The following ZNF721 variants were observed in gnomAD, a reference collection of about 807,000 sequenced individuals.
The protein encoded by ZNF721 is zinc finger protein 721.
Under a neutral mutation model 2.4 loss-of-function variants are expected in ZNF721, and 2 were observed. The observed-to-expected ratio is 0.82, with a 90% confidence interval of 0.34 to 2.58. The LOEUF (loss-of-function observed/expected upper bound fraction) is 2.58, where lower values mean the gene tolerates loss of function less well. Among genes scored for constraint, ZNF721 ranks in the 30% most tolerant of loss-of-function variants. The probability of loss-of-function intolerance (pLI) is 0.11; values close to 1 mark genes in which losing one functional copy is unlikely to be tolerated. For missense variants in ZNF721, 1,187 were observed against 1,085.5 expected (o/e 1.09, Z -1.31); for synonymous variants, 398 against 381.8 (o/e 1.04, Z -0.50).
chr4:451,912 A>G (rs1553864907), intron 2 of ZNF721, among the ~76,000 whole-genome samples: 1 of 152,154 alleles, frequency 6.6e-6, no homozygotes, highest in African/African-American at 2.4e-5. Context: ...GAAAATTGGG[A>G]ATCTAAATTA....
intron 1 of ZNF721, among the ~76,000 whole-genome samples, chr4:486,692 A>G (rs1458960249): frequency 6.6e-6 from 1 of 152,258 alleles, no homozygotes. Flanking sequence ...GTCAACAAAT[A>G]CAAAAAATAC....
intron 1 of ZNF721, among the ~76,000 whole-genome samples, chr4:489,414 G>T (rs1225547330): frequency 6.6e-6 from 1 of 152,148 alleles, no homozygotes; most frequent in East Asian, 1.9e-4. Context: ...TCACTCTCTG[G>T]TGTCTGTATG....
chr4:475,793 CT>C (rs1715610540), intron 1 of ZNF721, among the ~76,000 whole-genome samples: 1 of 148,944 alleles, frequency 6.7e-6, no homozygotes, highest in Admixed American at 6.6e-5. Context: ...AAGCTTCCCC[CT>C]ACTAACGTGC....
rs1486136882 is a variant in ZNF721 at position 442,091 on chromosome 4, T to G, written c.2376A>C (p.Ser792=). ...KCKECGKVIT[S]SSSFAKHKRI... ...TCTTATGTTTAGCAAAGCTTGAGGA[T>G]GACGTAATGACTTTGCCACATTCCT... The change falls in exon 3 of 3, where the codon TCA becomes TCC. Residue 792 remains serine (S), a synonymous_variant. Transcript: ENST00000511833. 1 of 1,613,882 alleles carries G rather than the reference T, an allele frequency of 6.2e-7. No individual in the cohort carries two copies. The highest frequency in any genetic ancestry group is 1.1e-5 in the South Asian group (1 of 91,078).
chr4:468,390 A>G (rs1373257625), intron 2 of ZNF721, among the ~76,000 whole-genome samples: 1 of 151,920 alleles, frequency 6.6e-6, no homozygotes, highest in Non-Finnish European at 1.5e-5. Flanking sequence ...AGTTCATGGC[A>G]CTACACTCCA....
At chr4:497,269 T>C (rs1218699528) in intron 1 of ZNF721, among the ~76,000 whole-genome samples, 1 of 150,444 alleles carries the variant, frequency 6.6e-6, no homozygotes, top group African/African-American at 2.4e-5. Context: ...CCGAAAAACG[T>C]TGGAAGATCA....
chr4:482,166 C>T (rs1254055477), intron 1 of ZNF721, among the ~76,000 whole-genome samples: 1 of 152,050 alleles, frequency 6.6e-6, no homozygotes, highest in Non-Finnish European at 1.5e-5. Context: ...TATCTGAGGT[C>T]GATTTTCCTT....
chr4:495,609 CT>C (rs201123776), intron 1 of ZNF721, among the ~76,000 whole-genome samples: 3,834 of 148,904 alleles, frequency 0.026, 48 homozygotes, highest in Middle Eastern at 0.059. Context: ...GCCATTTCTT[CT>C]TTTTTTTTTG....
rs781793057 is a variant in ZNF721 at position 444,131 on chromosome 4, G to A, written c.336C>T (p.Asn112=). ...RHTGEKHFKC[N]ECGKSFQKFS... ...ACTTCTGAAATGACTTGCCACATTC[G>A]TTACATTTAAAGTGTTTCTCTCCAG... Residue 112 remains asparagine, a synonymous_variant, in exon 3 of 3, where the codon AAC becomes AAT. Coordinates refer to ENST00000511833, the MANE Select transcript of ZNF721 (RefSeq NM_133474.4). 3.1e-5 allele frequency: 50 copies of A among 1,613,956 alleles called. 1 individual carries two copies. The highest frequency in any genetic ancestry group is 2.7e-4 in the African/African-American group (20 of 74,990).
chr4:442,504 C>A lies in ZNF721; in HGVS notation c.1963G>T (p.Asp655Tyr). 6.2e-7 allele frequency: 1 copy of A among 1,611,252 alleles called. No homozygotes were observed. Among genetic ancestry groups the A allele is most frequent in the Non-Finnish European group, 8.5e-7 (1 of 1,178,676 alleles). The change falls in exon 3 of 3, where the codon GAC becomes TAC. Residue 655 changes from aspartate (D) to tyrosine (Y), a missense_variant. By Grantham distance (160) the Asp-to-Tyr change is radical. Transcript: ENST00000511833. ...AGAATTTTCGTGTGTTGATTCAGGT[C>A]TGTTGATGGGGCAAAGGCTTTGCCA... ...ECGKAFAPST[D>Y]LNQHTKILTG... is the part of the protein sequence containing the mutation.
At chr4:497,704 T>C (rs1307324942) in intron 1 of ZNF721, among the ~76,000 whole-genome samples, 4 of 137,474 alleles carry the variant, frequency 2.9e-5, no homozygotes, top group Admixed American at 1.5e-4. Flanking sequence ...CTGGCTAACA[T>C]GGTGAAACCC....
In ZNF721 at chr4:442,213, G is replaced by GT. The variant is rs1714269167; in HGVS notation, c.2253dup (p.Leu752ThrfsTer5). 1 of 1,612,564 alleles carries GT rather than the reference G, an allele frequency of 6.2e-7. No individual in the cohort carries two copies. Among genetic ancestry groups the GT allele is most frequent in the East Asian group, 2.2e-5 (1 of 44,862 alleles). The stretch of plus-strand genomic sequence containing the variant: ...TTCCCACATTCTTTACATTTGTAGA[G>GT]TTTATCTCCAGTATGAATTTTCTTA... On this transcript the variant is annotated frameshift_variant, in exon 3 of 3. Coordinates refer to ENST00000511833, the MANE Select transcript of ZNF721 (RefSeq NM_133474.4). LOFTEE classifies it low-confidence loss of function (END_TRUNC).
In ZNF721 at chr4:442,250, G is replaced by C; in HGVS notation, c.2217C>G (p.Asn739Lys). The C allele has an allele frequency of 3.7e-6, 6 of 1,613,200 alleles. No individual in the cohort carries two copies. The highest frequency in any genetic ancestry group is 5.1e-6 in the Non-Finnish European group (6 of 1,179,402). ...DRGRSFGWST[N>K]LNEYKKIHTG... ...TATGAATTTTCTTATATTCGTTCAG[G>C]TTTGTGGACCATCCAAAGGATCTGC... Residue 739 changes from asparagine to lysine, a missense_variant, in exon 3 of 3, where the codon AAC becomes AAG. Coordinates refer to ENST00000511833, the MANE Select transcript of ZNF721 (RefSeq NM_133474.4).
chr4:468,158 T>G (rs939475475), intron 2 of ZNF721, among the ~76,000 whole-genome samples: 1 of 151,914 alleles, frequency 6.6e-6, no homozygotes, highest in Admixed American at 6.6e-5. Context: ...TCCCAGCTAC[T>G]TGGGGGGCTG....
chr4:457,171 G>A (rs1380730363), intron 2 of ZNF721, among the ~76,000 whole-genome samples: 1 of 152,148 alleles, frequency 6.6e-6, no homozygotes, highest in African/African-American at 2.4e-5. Context: ...GTAAATGTGA[G>A]CATTTTATTT....
chr4:489,395 C>G (rs1715970265), intron 1 of ZNF721, among the ~76,000 whole-genome samples: 1 of 152,216 alleles, frequency 6.6e-6, no homozygotes, highest in Non-Finnish European at 1.5e-5. Context: ...AAATCCTACT[C>G]TGCTTTACTC....
intron 2 of ZNF721, among the ~76,000 whole-genome samples, chr4:455,755 CAT>C (rs1313657725): frequency 2.0e-5 from 3 of 152,016 alleles, no homozygotes; most frequent in Non-Finnish European, 2.9e-5. Flanking sequence ...GTTTATAGTT[CAT>C]AGAGTATTAA....
chr4:479,550 G>T (rs781796494), intron 1 of ZNF721, among the ~76,000 whole-genome samples: 1 of 152,240 alleles, frequency 6.6e-6, no homozygotes, highest in Non-Finnish European at 1.5e-5. Flanking sequence ...TCAGGGACCA[G>T]GGGGCTGCAG....
intron 1 of ZNF721, 76 bp downstream of exon 1, chr4:498,980 T>TC: frequency 3.9e-6 from 1 of 256,118 alleles, no homozygotes; most frequent in Non-Finnish European, 7.6e-6. Flanking sequence ...CGCCTCGGCC[T>TC]CCCAAAGTAC....
Sources: allele counts gnomAD v4.1 joint callset (sites outside exome capture counted in the v4.1 genomes callset), GRCh38; gene constraint gnomAD v4.1.1; transcripts MANE v1.5; gene names NCBI Gene and HGNC (gene_info 2026-07-23, HGNC 2026-07-21).